CYLC2: variants seen among roughly 807,000 people sequenced by gnomAD.
CYLC2 encodes the protein cylicin-2.
A neutral mutation model predicts 26.1 loss-of-function variants in CYLC2; 30 were observed. The ratio of observed to expected loss-of-function variants is 1.15; its 90% confidence interval spans 0.86 to 1.56. The LOEUF is 1.56. CYLC2 is among the 40% of genes most tolerant of loss of function. CYLC2 has a pLI of 0.00. For missense variants in CYLC2, 498 were observed against 394.4 expected (o/e 1.26, Z -2.23); for synonymous variants, 158 against 132.8 (o/e 1.19, Z -1.31).
At chr9:103,015,137 AAC>A (rs1829484245) in intron 6 of CYLC2, among the ~76,000 whole-genome samples, 3 of 6,372 alleles carry the variant, frequency 4.7e-4, no homozygotes, top group African/African-American at 1.4e-3. Flanking sequence ...TGATATACAT[AAC>A]ATGTATATCA....
At chr9:103,014,547 T>TACACA (rs1261732495) in intron 6 of CYLC2, among the ~76,000 whole-genome samples, 2 of 128,504 alleles carry the variant, frequency 1.6e-5, no homozygotes, top group Admixed American at 8.1e-5. Context: ...ATATGTATAT[T>TACACA]ATGCAGTATA....
intron 1 of CYLC2, among the ~76,000 whole-genome samples, chr9:102,999,155 T>C (rs1274499051): frequency 6.6e-6 from 1 of 151,854 alleles, no homozygotes; most frequent in Non-Finnish European, 1.5e-5. Flanking sequence ...AATTCACTTA[T>C]GCAGCTTTTA....
At chr9:102,997,895 G>T (rs895599708) in intron 1 of CYLC2, among the ~76,000 whole-genome samples, 1 of 151,872 alleles carries the variant, frequency 6.6e-6, no homozygotes, top group African/African-American at 2.4e-5. Context: ...AATTTTTTAT[G>T]GTGATAGAAT....
At chr9:103,000,288 G>C (rs1184714275) in intron 1 of CYLC2, among the ~76,000 whole-genome samples, 1 of 151,670 alleles carries the variant, frequency 6.6e-6, no homozygotes, top group African/African-American at 2.4e-5. Context: ...TCAATTGCTG[G>C]GTGATTAAAT....
chr9:103,010,008 T>TAC (rs1039514485), intron 5 of CYLC2, among the ~76,000 whole-genome samples: 22 of 151,528 alleles, frequency 1.5e-4, no homozygotes, highest in African/African-American at 5.1e-4. Context: ...TATATATATA[T>TAC]ATACATGTCA....
At chr9:103,016,523 G>A (rs772108468) in intron 6 of CYLC2, among the ~76,000 whole-genome samples, 3 of 151,968 alleles carry the variant, frequency 2.0e-5, no homozygotes, top group African/African-American at 7.2e-5. Flanking sequence ...TCTATTTTCT[G>A]CTATTTACTA....
chr9:103,012,472 T>C (rs1250469124), intron 6 of CYLC2, among the ~76,000 whole-genome samples: 1 of 152,076 alleles, frequency 6.6e-6, no homozygotes, highest in East Asian at 1.9e-4. Context: ...GGAGCACAGT[T>C]CCATTCTAAG....
Position 103,006,687 on chromosome 9 carries a change from T to A in CYLC2, c.*700+309T>A, listed in dbSNP as rs12236888. 0.011 allele frequency among the ~76,000 whole-genome samples: 1,652 copies of A among 152,192 alleles called. 103 individuals carry two copies. The East Asian group carries it at 0.2, about 18-fold the overall frequency. On this transcript the variant is annotated intron_variant, in intron 5 of 7. Transcript: ENST00000374798. ...TCTCGGCCTCCCAAAGTGCTGGGAT[T>A]ACAGGCGTGAGCCACCGCGCCCGGC...
chr9:103,015,619 T>C (rs989462563), intron 6 of CYLC2, among the ~76,000 whole-genome samples: 3 of 147,110 alleles, frequency 2.0e-5, no homozygotes, highest in Admixed American at 7.0e-5. Context: ...CTTTAAAGTA[T>C]GTCTCTTGAG....
Position 103,006,334 on chromosome 9 carries a change from A to G in CYLC2, c.*656A>G, listed in dbSNP as rs1025464798. On this transcript the variant is annotated 3_prime_UTR_variant, in exon 5 of 8. Coordinates refer to ENST00000374798, the MANE Select transcript of CYLC2 (RefSeq NM_001340.5). ...AGTTTAAACAACCACAGTCATGTTTATGGTTGTTGGATGTGCCACTTCCAA... is the reference window on the plus strand; with the variant it reads ...AGTTTAAACAACCACAGTCATGTTTGTGGTTGTTGGATGTGCCACTTCCAA... The G allele has an allele frequency of 2.0e-5, 3 of 152,132 alleles. No homozygotes were observed. The highest frequency in any genetic ancestry group is 2.0e-4 in the Admixed American group (3 of 15,268). 9.4% of individuals were successfully genotyped at this position (152,132 alleles called of 1,614,324 possible).
In CYLC2 at chr9:103,013,652, AT is replaced by A. The variant is rs1829444878; in HGVS notation, c.*816+1556del. 9.8e-5 allele frequency among the ~76,000 whole-genome samples: 11 copies of A among 112,608 alleles called. No homozygotes were observed. In the Admixed American group the frequency reaches 1.0e-3, roughly 11 times the overall value. The allele number at this position is 112,608 out of a possible 152,430, so 73.9% of individuals were successfully genotyped here. A position where few individuals can be genotyped will look rare whatever the true frequency, so the allele number is the denominator to read the frequency against. Reference sequence around the variant, plus strand: ...TATAGATATATATTTATATAAAAATATAAATATATTATATTAAATAATATAT... The same window carrying A: ...TATAGATATATATTTATATAAAAATAAAATATATTATATTAAATAATATAT... On this transcript the variant is annotated intron_variant, in intron 6 of 7. Transcript: ENST00000374798.
rs780549272 is a variant in CYLC2 at position 103,005,462 on chromosome 9, C to G, written c.831C>G (p.Pro277=). ...IKKGKKDKKK[P]SSTDSDSKDD... Reference sequence around the variant, plus strand: ...AAGGTAAGAAAGATAAGAAGAAGCCCAGTAGTACAGACAGTGACTCAAAGG... The same window carrying G: ...AAGGTAAGAAAGATAAGAAGAAGCCGAGTAGTACAGACAGTGACTCAAAGG... Residue 277 remains proline (P), a synonymous_variant, in exon 5 of 8, where the codon CCC becomes CCG. Coordinates refer to ENST00000374798, the MANE Select transcript of CYLC2 (RefSeq NM_001340.5). 1 of 1,613,338 alleles carries G rather than the reference C, an allele frequency of 6.2e-7. No individual in the cohort carries two copies. The highest frequency in any genetic ancestry group is 8.5e-7 in the Non-Finnish European group (1 of 1,179,832).
At chr9:103,015,457 T>C (rs1214343450) in intron 6 of CYLC2, among the ~76,000 whole-genome samples, 1 of 137,942 alleles carries the variant, frequency 7.2e-6, no homozygotes, top group African/African-American at 2.7e-5. Context: ...ATATATATTA[T>C]ATAATTATAA....
At chr9:102,999,710 A>G (rs1178238988) in intron 1 of CYLC2, among the ~76,000 whole-genome samples, 1 of 151,730 alleles carries the variant, frequency 6.6e-6, no homozygotes, top group Non-Finnish European at 1.5e-5. Context: ...ATTATTCTGC[A>G]TATACTGAAA....
intron 6 of CYLC2, among the ~76,000 whole-genome samples, chr9:103,013,241 T>C (rs1356098794): frequency 8.5e-6 from 1 of 117,818 alleles, no homozygotes; most frequent in African/African-American, 3.3e-5. Flanking sequence ...ACATATAACA[T>C]GTAAATATAT....
intron 6 of CYLC2, among the ~76,000 whole-genome samples, chr9:103,014,729 TACG>T (rs1829474353): frequency 2.1e-5 from 2 of 97,350 alleles, no homozygotes; most frequent in African/African-American, 3.9e-5. Flanking sequence ...ATATGTAATA[TACG>T]TATGTATATT....
At chr9:103,015,463 T>C (rs990907368) in intron 6 of CYLC2, among the ~76,000 whole-genome samples, 1 of 137,922 alleles carries the variant, frequency 7.3e-6, no homozygotes, top group South Asian at 2.1e-4. Flanking sequence ...ATTATATAAT[T>C]ATAATATATA....
chr9:103,011,825 G>A (rs10820339), intron 5 of CYLC2, among the ~76,000 whole-genome samples, 157 bp from the exon 6 acceptor site: 41,427 of 151,434 alleles, frequency 0.27, 7,094 homozygotes, highest in African/African-American at 0.48. Context: ...GGCCTCTTTA[G>A]AAAGTGAGAG....
intron 6 of CYLC2, among the ~76,000 whole-genome samples, chr9:103,014,313 TG>T (rs1327093981): frequency 7.4e-6 from 1 of 134,916 alleles, no homozygotes; most frequent in Non-Finnish European, 1.5e-5. Flanking sequence ...TATATTACAT[TG>T]TATATATTAC....
Sources: gnomAD v4.1 joint callset for allele counts (sites outside exome capture counted in the v4.1 genomes callset) on GRCh38, gnomAD v4.1.1 for gene constraint, MANE v1.5 for transcripts, NCBI Gene and HGNC (gene_info 2026-07-23, HGNC 2026-07-21) for gene names.